The following ARFGEF2 variants were observed in gnomAD, a reference collection of about 807,000 sequenced individuals.
ARFGEF2 encodes ARF guanine nucleotide exchange factor 2.
ARFGEF2 carries 74 observed loss-of-function variants against 219.9 expected under a neutral mutation model. The observed-to-expected ratio is 0.34, with a 90% confidence interval of 0.28 to 0.41. ARFGEF2 has a LOEUF of 0.41. Ranked by LOEUF, ARFGEF2 falls within the 10% of genes least tolerant of loss-of-function variation. ARFGEF2 has a pLI of 1.00. For synonymous variants in ARFGEF2, 733 were observed against 799.2 expected (o/e 0.92, Z 1.40); for missense variants, 1,743 against 2,218.3 (o/e 0.79, Z 4.30).
In ARFGEF2 at chr20:48,985,394, T is replaced by G. The variant is rs369879827; in HGVS notation, c.2071-14T>G. ...TTGACAATTTCTGGATATAAGTGAGTGTGTATGTTTCAGACCCAAGTAGGC... is the reference window on the plus strand; with the variant it reads ...TTGACAATTTCTGGATATAAGTGAGGGTGTATGTTTCAGACCCAAGTAGGC... On this transcript the variant is annotated splice_polypyrimidine_tract_variant and intron_variant, in intron 15 of 38. Transcript: ENST00000371917. The G allele has an allele frequency of 1.1e-4, 181 of 1,613,638 alleles. No individual in the cohort carries two copies. Among genetic ancestry groups the G allele is most frequent in the Non-Finnish European group, 1.5e-4 (175 of 1,179,800 alleles).
intron 25 of ARFGEF2, among the ~76,000 whole-genome samples, chr20:48,999,887 T>C (rs1341327926): frequency 6.6e-6 from 1 of 151,966 alleles, no homozygotes; most frequent in Admixed American, 6.6e-5. Context: ...AACCTGGTGG[T>C]GAAGAGTTAT....
chr20:49,013,859 A>G lies in ARFGEF2; in HGVS notation c.4078A>G (p.Lys1360Glu). 1 of 1,614,142 alleles carries G rather than the reference A, an allele frequency of 6.2e-7. No homozygotes were observed. Residue 1360 changes from lysine to glutamate, a missense_variant, in exon 30 of 39, where the codon AAG (lysine) becomes GAG (glutamate). Lys to Glu is a moderately conservative substitution (Grantham distance 56). This residue lies in a region of ARFGEF2 where 578 missense variants were observed against 664.0 expected (regional missense o/e 0.87). Coordinates refer to ENST00000371917, the MANE Select transcript of ARFGEF2 (RefSeq NM_006420.3). Reference protein sequence around the residue: ...RGLTVMFEIMKSYGHTFEKHW... With the variant: ...RGLTVMFEIMESYGHTFEKHW... ...ACTCACAGTCATGTTTGAGATCATG[A>G]AGAGCTATGGCCACACCTTTGAAAA... is the stretch of plus-strand genomic sequence containing the variant.
At chr20:49,009,027 T>C (rs2123512363) in intron 26 of ARFGEF2, among the ~76,000 whole-genome samples, 1 of 152,292 alleles carries the variant, frequency 6.6e-6, no homozygotes, top group African/African-American at 2.4e-5. Context: ...TTTATCATAC[T>C]TTTTCTGTAT....
chr20:49,018,788 A>G (rs1178792243), intron 33 of ARFGEF2, 96 bp from the exon 34 acceptor site: 1 of 951,278 alleles, frequency 1.1e-6, no homozygotes, highest in African/African-American at 1.6e-5. Context: ...AGGCACTTAA[A>G]TACAGGCTGG....
chr20:48,990,007 C>G (rs561065758), intron 20 of ARFGEF2, among the ~76,000 whole-genome samples: 29 of 152,206 alleles, frequency 1.9e-4, no homozygotes, highest in African/African-American at 6.7e-4. Flanking sequence ...TGGAGAAACC[C>G]CATCTCTACT....
chr20:48,950,811 A>ATATAT (rs1555808097), intron 3 of ARFGEF2, among the ~76,000 whole-genome samples: 4 of 64,508 alleles, frequency 6.2e-5, no homozygotes, highest in East Asian at 4.9e-4. Context: ...AAAAAAAAAA[A>ATATAT]ATATATATAT....
chr20:49,010,140 G>T, intron 26 of ARFGEF2, 92 bp from the exon 27 acceptor site: 1 of 1,483,270 alleles, frequency 6.7e-7, no homozygotes. Context: ...TATAAGAAAT[G>T]TTTAAGTGCT....
In ARFGEF2 at chr20:48,942,646, G is replaced by A. The variant is rs188489408; in HGVS notation, c.276+659G>A. On this transcript the variant is annotated intron_variant, in intron 3 of 38. Transcript: ENST00000371917. ...ATTACATGCACCCGCCACCAAGCCC[G>A]GCTAATTTTTTGTATTTTTAGTACA... Among the ~76,000 whole-genome samples the A allele has an allele frequency of 2.6e-5, 4 of 151,746 alleles. No homozygotes were observed. The East Asian group carries it at 7.7e-4, about 29-fold the overall frequency.
intron 1 of ARFGEF2, among the ~76,000 whole-genome samples, chr20:48,924,097 C>T (rs2090860786): frequency 6.6e-6 from 1 of 152,136 alleles, no homozygotes; most frequent in Non-Finnish European, 1.5e-5. Flanking sequence ...AATTGTGTGT[C>T]ATTGCTGTTA....
At chr20:48,989,935 T>C (rs542243314) in intron 20 of ARFGEF2, among the ~76,000 whole-genome samples, 35 of 152,294 alleles carry the variant, frequency 2.3e-4, no homozygotes, top group Middle Eastern at 3.4e-3. Context: ...ATCCCAGCAC[T>C]TTGGGAGGCC....
Position 48,998,136 on chromosome 20 carries a change from A to G in ARFGEF2, c.3222-57A>G. On this transcript the variant is annotated intron_variant, in intron 23 of 38. Transcript: ENST00000371917. ...CGGCCTCCCAAAGTGCTGAGATTAC[A>G]GGTGTGAGCCACCACACCCGGTCTA... is the stretch of plus-strand genomic sequence containing the variant. 3.9e-6 allele frequency: 6 copies of G among 1,525,530 alleles called. No individual in the cohort carries two copies. The South Asian group carries it at 6.8e-5, about 17-fold the overall frequency. The allele number at this position is 1,525,530 out of a possible 1,614,324, so 94.5% of individuals were successfully genotyped here.
rs186218652 is a variant in ARFGEF2 at position 48,953,468 on chromosome 20, G to T, written c.604-88G>T. 2.8e-4 allele frequency: 359 copies of T among 1,259,936 alleles called. 3 individuals carry two copies. The African/African-American group carries it at 4.8e-3, about 17-fold the overall frequency. 78.0% of individuals were successfully genotyped at this position (1,259,936 alleles called of 1,614,324 possible). ...TGAAATTATAGGCGTTAACCACCGC[G>T]CCCAGCCCAGGAAATTTTTTAAGTA... On this transcript the variant is annotated intron_variant, in intron 5 of 38. Transcript: ENST00000371917.
At chr20:48,953,183 C>CT (rs1261794578) in intron 5 of ARFGEF2, among the ~76,000 whole-genome samples, 27 of 104,224 alleles carry the variant, frequency 2.6e-4, no homozygotes, top group Non-Finnish European at 4.0e-4. Context: ...TTTCTTTTTT[C>CT]TTTTTTTTTG....
At chr20:48,962,611 G>A (rs1262286081) in intron 6 of ARFGEF2, among the ~76,000 whole-genome samples, 1 of 152,182 alleles carries the variant, frequency 6.6e-6, no homozygotes, top group African/African-American at 2.4e-5. Context: ...GAAGAAGTGA[G>A]TTTAGCAATT....
chr20:49,010,033 G>T (rs554895461), intron 26 of ARFGEF2, among the ~76,000 whole-genome samples, 199 bp from the exon 27 acceptor site: 2 of 152,300 alleles, frequency 1.3e-5, no homozygotes, highest in Admixed American at 1.3e-4. Context: ...ATTGTTTCGT[G>T]ATTGCAGGAT....
chr20:48,966,742 T>G (rs1230079120), intron 8 of ARFGEF2, among the ~76,000 whole-genome samples: 1 of 152,244 alleles, frequency 6.6e-6, no homozygotes, highest in African/African-American at 2.4e-5. Flanking sequence ...TGTAGACATT[T>G]TTTCCTAATC....
In ARFGEF2 at chr20:49,013,777, T is replaced by C. The variant is rs200743815; in HGVS notation, c.4050-54T>C. The C allele has an allele frequency of 2.9e-4, 471 of 1,614,080 alleles. 1 individual carries two copies. In the Middle Eastern group the frequency reaches 4.3e-3, roughly 15 times the overall value. On this transcript the variant is annotated intron_variant, in intron 29 of 38. Transcript: ENST00000371917. The stretch of plus-strand genomic sequence containing the variant: ...GCTCACCTGACCCCACTCTCTTCTC[T>C]GTTGTTCTCTTCTCCACCATTCTCT...
At chr20:49,006,504 C>T (rs1225485715) in intron 26 of ARFGEF2, among the ~76,000 whole-genome samples, 1 of 152,146 alleles carries the variant, frequency 6.6e-6, no homozygotes, top group South Asian at 2.1e-4. Flanking sequence ...GTAATGGGCT[C>T]TGAAGGACAT....
At chr20:48,930,779 A>G (rs1223256192) in intron 1 of ARFGEF2, among the ~76,000 whole-genome samples, 2 of 152,164 alleles carry the variant, frequency 1.3e-5, no homozygotes, top group Non-Finnish European at 2.9e-5. Context: ...GGGAGTCAGC[A>G]GAGTCTAGGT....
Sources: allele counts gnomAD v4.1 joint callset (sites outside exome capture counted in the v4.1 genomes callset), GRCh38; gene constraint gnomAD v4.1.1; regional missense constraint gnomAD v4.1.1; transcripts MANE v1.5; gene names NCBI Gene and HGNC (gene_info 2026-07-23, HGNC 2026-07-21).